The following PHACTR2 variants were observed in gnomAD, a reference collection of about 807,000 sequenced individuals.
PHACTR2 encodes the protein phosphatase and actin regulator 2.
A neutral mutation model predicts 76.0 loss-of-function variants in PHACTR2; 30 were observed. That is an observed-to-expected ratio of 0.39 (90% confidence interval 0.30 to 0.54). The LOEUF (loss-of-function observed/expected upper bound fraction) is 0.54, where lower values mean the gene tolerates loss of function less well. PHACTR2 is among the 20% of genes least tolerant of loss of function. PHACTR2 has a pLI of 0.61. For missense variants in PHACTR2, 696 were observed against 781.1 expected (o/e 0.89, Z 1.30); for synonymous variants, 292 against 292.5 (o/e 1.00, Z 0.02).
chr6:143,729,844 G>A (rs543530071), intron 2 of PHACTR2, among the ~76,000 whole-genome samples: 1 of 151,974 alleles, frequency 6.6e-6, no homozygotes, highest in East Asian at 1.9e-4. Flanking sequence ...AAGAGCAAAG[G>A]CTCTTAATTT....
rs10484815 is a variant in PHACTR2 at position 143,823,914 on chromosome 6, C to G, written c.*225C>G. The G allele has an allele frequency of 0.033, 14,875 of 455,918 alleles. 1,079 individuals are homozygous for G. Among genetic ancestry groups the G allele is most frequent in the East Asian group, 0.24 (7,394 of 30,302 alleles). The allele number at this position is 455,918 out of a possible 1,614,324, so 28.2% of individuals were successfully genotyped here. On this transcript the variant is annotated 3_prime_UTR_variant, in exon 13 of 13. Coordinates refer to ENST00000440869, the MANE Select transcript of PHACTR2 (RefSeq NM_001100164.2). The surrounding 1 kb of genome is among the most constrained non-coding windows in gnomAD (Gnocchi z 5.7). ...GCAGTGACTCTTGCTGCCCAGAATG[C>G]ACAGCGATGGTAAGAGACACCGTGG...
Position 143,537,215 on chromosome 6 carries a change from C to T in PHACTR2, c.217+8C>T, listed in dbSNP as rs1271668281. The T allele has an allele frequency of 8.4e-6, 2 of 238,330 alleles. No individual in the cohort carries two copies. The highest frequency in any genetic ancestry group is 1.2e-4 in the East Asian group (1 of 8,268). 14.8% of individuals were successfully genotyped at this position (238,330 alleles called of 1,614,324 possible). The stretch of plus-strand genomic sequence containing the variant: ...TCCACATCTCCGGCTCAGGTAAGAG[C>T]GGCTCGGGGCGCGGGCCGGGGAGGG... On this transcript the variant is annotated splice_region_variant and intron_variant, in intron 1 of 11. Coordinates refer to the PHACTR2 transcript ENST00000367584. This position sits in a 1 kb window ranked among gnomAD's most constrained non-coding sequence, Gnocchi z 4.4.
At chr6:143,588,533 A>C (rs576849546) in intron 1 of PHACTR2, among the ~76,000 whole-genome samples, 59 of 152,322 alleles carry the variant, frequency 3.9e-4, no homozygotes, top group African/African-American at 1.3e-3. Context: ...TTTGAAAACC[A>C]GATGTCCCAA....
chr6:143,539,428 A>G lies in PHACTR2; in HGVS notation c.217+2221A>G, dbSNP rs1781152204. Among the ~76,000 whole-genome samples, 1 of 152,244 alleles carries G rather than the reference A, an allele frequency of 6.6e-6. No homozygotes were observed. Among genetic ancestry groups the G allele is most frequent in the African/African-American group, 2.4e-5 (1 of 41,458 alleles). Reference sequence around the variant, plus strand: ...AGAGTCAGAGAGAAAAAGAATGAGCAGGTCCTTCACTGACACACAGAGTAT... The same window carrying G: ...AGAGTCAGAGAGAAAAAGAATGAGCGGGTCCTTCACTGACACACAGAGTAT... On this transcript the variant is annotated intron_variant, in intron 1 of 11. Coordinates refer to the PHACTR2 transcript ENST00000367584. The surrounding 1 kb of genome is among the most constrained non-coding windows in gnomAD (Gnocchi z 4.3).
Position 143,710,685 on chromosome 6 carries a change from A to G in PHACTR2, c.47-1331A>G, listed in dbSNP as rs1379816959. Among the ~76,000 whole-genome samples, 1 of 152,216 alleles carries G rather than the reference A, an allele frequency of 6.6e-6. No individual in the cohort carries two copies. Among genetic ancestry groups the G allele is most frequent in the Non-Finnish European group, 1.5e-5 (1 of 68,038 alleles). On this transcript the variant is annotated intron_variant, in intron 1 of 12. Coordinates refer to ENST00000440869, the MANE Select transcript of PHACTR2 (RefSeq NM_001100164.2). The surrounding 1 kb of genome is among the most constrained non-coding windows in gnomAD (Gnocchi z 4.9). ...GCACTCCAGCCTGGGCGACAGAGCA[A>G]GACTCTATCTCAAAAAGAAAAAGTA...
chr6:143,581,185 G>C lies in PHACTR2; in HGVS notation c.217+43978G>C, dbSNP rs947789294. Among the ~76,000 whole-genome samples, 6 of 152,176 alleles carry C rather than the reference G, an allele frequency of 3.9e-5. No individual in the cohort carries two copies. The highest frequency in any genetic ancestry group is 3.3e-4 in the Admixed American group (5 of 15,274). ...CTCAATATTCTAGAACTTTACCCTTGTTCTCAAGTCTCCGTGTGGACAGGG... is the reference window on the plus strand; with the variant it reads ...CTCAATATTCTAGAACTTTACCCTTCTTCTCAAGTCTCCGTGTGGACAGGG... On this transcript the variant is annotated intron_variant, in intron 1 of 11. Coordinates refer to the PHACTR2 transcript ENST00000367584. This position sits in a 1 kb window ranked among gnomAD's most constrained non-coding sequence, Gnocchi z 4.5.
chr6:143,793,133 G>A lies in PHACTR2; in HGVS notation c.1845+4223G>A, dbSNP rs1775731619. Among the ~76,000 whole-genome samples, 1 of 152,182 alleles carries A rather than the reference G, an allele frequency of 6.6e-6. No individual in the cohort carries two copies. The highest frequency in any genetic ancestry group is 2.4e-5 in the African/African-American group (1 of 41,442). On this transcript the variant is annotated intron_variant, in intron 11 of 12. Transcript: ENST00000440869. The surrounding 1 kb of genome is among the most constrained non-coding windows in gnomAD (Gnocchi z 4.4). ...ATCACTGCAGTTGCCAAGTATGCAA[G>A]CAGGGAGAGTCTAAATGACTAACCA...
intron 1 of PHACTR2, among the ~76,000 whole-genome samples, chr6:143,649,562 C>T (rs888563582): frequency 6.6e-6 from 1 of 152,112 alleles, no homozygotes; most frequent in Admixed American, 6.5e-5. Context: ...AAATGTGATT[C>T]ATCACATAAA....
intron 1 of PHACTR2, among the ~76,000 whole-genome samples, chr6:143,574,132 G>T (rs895166950): frequency 6.6e-6 from 1 of 152,176 alleles, no homozygotes; most frequent in Admixed American, 6.5e-5. Flanking sequence ...GATTCAGTTC[G>T]TGCAGCTGTG....
chr6:143,593,169 G>A (rs778809101), intron 1 of PHACTR2, among the ~76,000 whole-genome samples: 3 of 151,986 alleles, frequency 2.0e-5, no homozygotes, highest in Admixed American at 6.6e-5. Flanking sequence ...GCATCAGGTT[G>A]TGTGGTTGTG....
Position 143,709,746 on chromosome 6 carries a change from G to A in PHACTR2, c.47-2270G>A, listed in dbSNP as rs748874606. On this transcript the variant is annotated intron_variant, in intron 1 of 12. Transcript: ENST00000440869. The surrounding 1 kb of genome is among the most constrained non-coding windows in gnomAD (Gnocchi z 4.4). Reference sequence around the variant, plus strand: ...TGTGGTCTCCCTTGATACCACAGTTGGGGTGGTCTTGTTCCCAGTGTGCAA... The same window carrying A: ...TGTGGTCTCCCTTGATACCACAGTTAGGGTGGTCTTGTTCCCAGTGTGCAA... 2.6e-5 allele frequency among the ~76,000 whole-genome samples: 4 copies of A among 152,116 alleles called. No homozygotes were observed. Among genetic ancestry groups the A allele is most frequent in the Admixed American group, 6.5e-5 (1 of 15,284 alleles).
chr6:143,788,021 T>G (rs1231866671), intron 10 of PHACTR2, among the ~76,000 whole-genome samples: 2 of 152,192 alleles, frequency 1.3e-5, no homozygotes, highest in African/African-American at 4.8e-5. Flanking sequence ...AGTCTTATTC[T>G]TCGGTTTGAG....
rs937014536 is a variant in PHACTR2 at position 143,750,494 on chromosome 6, G to A, written c.295+1429G>A. ...TGGGCCAATGCATTTATTAGACATC[G>A]TTTATTTAGAAATATTTTAAAGAAA... On this transcript the variant is annotated intron_variant, in intron 3 of 12. Transcript: ENST00000440869. This position sits in a 1 kb window ranked among gnomAD's most constrained non-coding sequence, Gnocchi z 4.6. Among the ~76,000 whole-genome samples the A allele has an allele frequency of 7.9e-5, 12 of 152,052 alleles. No homozygotes were observed. Among genetic ancestry groups the A allele is most frequent in the East Asian group, 1.9e-4 (1 of 5,204 alleles).
At chr6:143,605,602 G>T (rs2128436475), upstream of PHACTR2, among the ~76,000 whole-genome samples, 1 of 152,324 alleles carries the variant, frequency 6.6e-6, no homozygotes, top group Non-Finnish European at 1.5e-5. This position sits in a 1 kb window ranked among gnomAD's most constrained non-coding sequence, Gnocchi z 5.0. Context: ...TTGGGAAGCA[G>T]TTAGGTCCTC....
At chr6:143,643,829 G>A (rs189189150) in intron 1 of PHACTR2, among the ~76,000 whole-genome samples, 1 of 152,264 alleles carries the variant, frequency 6.6e-6, no homozygotes, top group East Asian at 1.9e-4. Context: ...CTGTTTCCAT[G>A]AGACATTGAT....
Position 143,537,407 on chromosome 6 carries a change from G to A in PHACTR2, c.217+200G>A, listed in dbSNP as rs977167069. On this transcript the variant is annotated intron_variant, in intron 1 of 11. Coordinates refer to the PHACTR2 transcript ENST00000367584. This position sits in a 1 kb window ranked among gnomAD's most constrained non-coding sequence, Gnocchi z 4.4. Reference sequence around the variant, plus strand: ...CCGCCCGGGCTCGGCGACCCTAGGCGGAAGATGCTAAAAGCAGGCGACGGC... The same window carrying A: ...CCGCCCGGGCTCGGCGACCCTAGGCAGAAGATGCTAAAAGCAGGCGACGGC... Among the ~76,000 whole-genome samples the A allele has an allele frequency of 6.6e-6, 1 of 152,148 alleles. No homozygotes were observed. The highest frequency in any genetic ancestry group is 6.5e-5 in the Admixed American group (1 of 15,282).
At position 143,659,841 on chromosome 6, in the gene PHACTR2, A is replaced by G. The variant is rs958025254; in HGVS notation, c.13+51519A>G. Among the ~76,000 whole-genome samples, 1 of 152,212 alleles carries G rather than the reference A, an allele frequency of 6.6e-6. No individual in the cohort carries two copies. Among genetic ancestry groups the G allele is most frequent in the Non-Finnish European group, 1.5e-5 (1 of 68,034 alleles). ...TCCATACACAGTGATTTGTCAGGTA[A>G]TGAATGTTCCTGATTAGCTTTAGCA... On this transcript the variant is annotated intron_variant, in intron 1 of 11. Transcript: ENST00000305766. This position sits in a 1 kb window ranked among gnomAD's most constrained non-coding sequence, Gnocchi z 5.0.
chr6:143,537,941 C>A lies in PHACTR2; in HGVS notation c.217+734C>A, dbSNP rs1781133898. ...GGCCAACATGGTCAGGAAACTTCGT[C>A]CCTACTAAAAATACAAAAAATTAGC... On this transcript the variant is annotated intron_variant, in intron 1 of 11. Coordinates refer to the PHACTR2 transcript ENST00000367584. The surrounding 1 kb of genome is among the most constrained non-coding windows in gnomAD (Gnocchi z 4.4). 6.6e-6 allele frequency among the ~76,000 whole-genome samples: 1 copy of A among 152,208 alleles called. No homozygotes were observed. The highest frequency in any genetic ancestry group is 6.5e-5 in the Admixed American group (1 of 15,284).
In PHACTR2 at chr6:143,696,641, C is replaced by T. The variant is rs1884172; in HGVS notation, c.47-15375C>T. Among the ~76,000 whole-genome samples, 27,733 of 152,052 alleles carry T rather than the reference C, an allele frequency of 0.18. 2,924 individuals are homozygous for T. Among genetic ancestry groups the T allele is most frequent in the Middle Eastern group, 0.28 (82 of 294 alleles). ...TTCAGATCTTTCTGGCACTGGAAGC[C>T]CATGTTTTTCCTTTGCAGTACTCAC... On this transcript the variant is annotated intron_variant, in intron 1 of 12. Coordinates refer to ENST00000440869, the MANE Select transcript of PHACTR2 (RefSeq NM_001100164.2). The surrounding 1 kb of genome is among the most constrained non-coding windows in gnomAD (Gnocchi z 4.1).
Sources: allele counts gnomAD v4.1 joint callset (sites outside exome capture counted in the v4.1 genomes callset), GRCh38; gene constraint gnomAD v4.1.1; non-coding constraint Gnocchi (gnomAD v3.1); transcripts MANE v1.5; gene names NCBI Gene and HGNC (gene_info 2026-07-23, HGNC 2026-07-21).